The following PPM1H variants were observed in gnomAD, a reference collection of about 807,000 sequenced individuals.
PPM1H encodes protein phosphatase, Mg2+/Mn2+ dependent 1H, also known as protein phosphatase 1H.
Under a neutral mutation model 54.9 loss-of-function variants are expected in PPM1H, and 27 were observed. The ratio of observed to expected loss-of-function variants is 0.49; its 90% CI spans 0.36 to 0.68. The LOEUF is 0.68. Ranked by LOEUF, PPM1H falls within the 30% of genes least tolerant of loss-of-function variation. The pLI, the probability that PPM1H is intolerant of heterozygous loss-of-function variation, is 0.00. For missense variants in PPM1H, 596 were observed against 667.8 expected (o/e 0.89, Z 1.19); for synonymous variants, 305 against 270.8 (o/e 1.13, Z -1.24).
chr12:62,880,804 T>A (rs1870365128), intron 1 of PPM1H, among the ~76,000 whole-genome samples: 1 of 152,164 alleles, frequency 6.6e-6, no homozygotes, highest in South Asian at 2.1e-4. Flanking sequence ...AACATTCCCT[T>A]CTCCAGGTGC....
At chr12:62,869,873 AC>A (rs1395914940) in intron 1 of PPM1H, among the ~76,000 whole-genome samples, 5 of 151,990 alleles carry the variant, frequency 3.3e-5, no homozygotes, top group Admixed American at 6.6e-5. Flanking sequence ...AGTCACTCTT[AC>A]CCCCAACTCT....
At chr12:62,724,490 T>G (rs1381084707) in intron 5 of PPM1H, among the ~76,000 whole-genome samples, 1 of 152,288 alleles carries the variant, frequency 6.6e-6, no homozygotes, top group Admixed American at 6.5e-5. Context: ...TGTGGGTTAG[T>G]TGGGAACTCC....
At chr12:62,867,788 G>A (rs981944311) in intron 1 of PPM1H, among the ~76,000 whole-genome samples, 1 of 151,210 alleles carries the variant, frequency 6.6e-6, no homozygotes, top group Non-Finnish European at 1.5e-5. Flanking sequence ...GTTTCACCGT[G>A]TTAGCCAGGA....
At chr12:62,734,909 C>T (rs1016813576) in intron 5 of PPM1H, among the ~76,000 whole-genome samples, 4 of 152,016 alleles carry the variant, frequency 2.6e-5, no homozygotes, top group African/African-American at 4.8e-5. Context: ...TAGCCAGGCA[C>T]GGTGGTGCAC....
chr12:62,705,596 C>G (rs748059553), intron 6 of PPM1H, among the ~76,000 whole-genome samples: 4 of 152,146 alleles, frequency 2.6e-5, no homozygotes, highest in Non-Finnish European at 4.4e-5. Context: ...ATGAATGACT[C>G]TTAAGGAAAT....
In PPM1H at chr12:62,806,177, CT is replaced by C. The variant is rs777077759; in HGVS notation, c.412-4018del. Among the ~76,000 whole-genome samples, 1,393 of 143,194 alleles carry C rather than the reference CT, an allele frequency of 9.7e-3. 7 individuals are homozygous for C. Among genetic ancestry groups the C allele is most frequent in the African/African-American group, 0.011 (415 of 39,234 alleles). 93.9% of individuals were successfully genotyped at this position (143,194 alleles called of 152,430 possible). On this transcript the variant is annotated intron_variant, in intron 2 of 9. Transcript: ENST00000228705. ...ACCCTATGGCAATAAATACTGAAGG[CT>C]TTTTTTTTTTAATTGAAGCCATTAA... is the stretch of plus-strand genomic sequence containing the variant.
intron 4 of PPM1H, among the ~76,000 whole-genome samples, chr12:62,774,286 G>A (rs1393096342): frequency 6.6e-6 from 1 of 152,196 alleles, no homozygotes; most frequent in African/African-American, 2.4e-5. Context: ...CCAGCCCAGT[G>A]TTTTTTCCAT....
chr12:62,883,436 G>T (rs572360747), intron 1 of PPM1H, among the ~76,000 whole-genome samples: 1 of 152,266 alleles, frequency 6.6e-6, no homozygotes, highest in South Asian at 2.1e-4. Flanking sequence ...AGCTTCTCAT[G>T]AAGTAGATTC....
At chr12:62,714,078 A>G (rs1424108342) in intron 6 of PPM1H, among the ~76,000 whole-genome samples, 3 of 152,176 alleles carry the variant, frequency 2.0e-5, no homozygotes, top group Non-Finnish European at 4.4e-5. Flanking sequence ...ACGCTCTTCT[A>G]CTATGTAGAC....
intron 3 of PPM1H, among the ~76,000 whole-genome samples, chr12:62,795,509 C>T (rs576385487): frequency 1.3e-5 from 2 of 151,564 alleles, no homozygotes; most frequent in Non-Finnish European, 2.9e-5. Context: ...TGCAGTGGTG[C>T]GATCTCTGCT....
chr12:62,790,264 G>C (rs774708659), intron 3 of PPM1H, among the ~76,000 whole-genome samples: 8 of 152,192 alleles, frequency 5.3e-5, no homozygotes, highest in Non-Finnish European at 1.0e-4. Context: ...CTTGAGCTTA[G>C]GGATATCATA....
At chr12:62,728,403 T>A (rs11174621) in intron 5 of PPM1H, among the ~76,000 whole-genome samples, 17,292 of 152,174 alleles carry the variant, frequency 0.11, 1,021 homozygotes, top group East Asian at 0.2. Context: ...GAATTGGATG[T>A]CTTTCTATGG....
Position 62,927,535 on chromosome 12 carries a change from G to A in PPM1H, c.245+6957C>T, listed in dbSNP as rs567238877. Among the ~76,000 whole-genome samples the A allele has an allele frequency of 1.6e-4, 24 of 151,854 alleles. No homozygotes were observed. The South Asian group carries it at 2.5e-3, about 16-fold the overall frequency. ...AAATTACCTGGGTGTGGTGGTGGGC[G>A]CCTGTAATCCCAGCTTCTCAGGAGG... On this transcript the variant is annotated intron_variant, in intron 1 of 9. Coordinates refer to ENST00000228705, the MANE Select transcript of PPM1H (RefSeq NM_020700.2).
chr12:62,687,838 G>A (rs2076062076), intron 8 of PPM1H, among the ~76,000 whole-genome samples: 1 of 151,808 alleles, frequency 6.6e-6, no homozygotes, highest in South Asian at 2.1e-4. Flanking sequence ...GTGAAACCCT[G>A]TCTCCACTAA....
At chr12:62,855,681 T>C (rs1459802084) in intron 1 of PPM1H, among the ~76,000 whole-genome samples, 6 of 152,200 alleles carry the variant, frequency 3.9e-5, no homozygotes, top group African/African-American at 9.7e-5. Flanking sequence ...AAAGCACCCA[T>C]GTTATTCCAG....
At chr12:62,687,135 A>G (rs180889871) in intron 8 of PPM1H, among the ~76,000 whole-genome samples, 3 of 152,322 alleles carry the variant, frequency 2.0e-5, no homozygotes, top group Admixed American at 1.3e-4. Flanking sequence ...CAGTGGCAGA[A>G]CTCCATGTGA....
At chr12:62,900,564 G>A (rs1184062608) in intron 1 of PPM1H, among the ~76,000 whole-genome samples, 1 of 140,204 alleles carries the variant, frequency 7.1e-6, no homozygotes, top group East Asian at 2.1e-4. Flanking sequence ...AAAGAAAGAA[G>A]GGAAGAAGAA....
intron 1 of PPM1H, among the ~76,000 whole-genome samples, chr12:62,917,398 GGTCA>G (rs541945724): frequency 6.2e-4 from 94 of 152,208 alleles, no homozygotes; most frequent in African/African-American, 2.1e-3. Flanking sequence ...TTCCTGGAAG[GGTCA>G]GTAAGAGCTT....
intron 1 of PPM1H, among the ~76,000 whole-genome samples, chr12:62,914,547 G>C (rs546222553): frequency 6.6e-6 from 1 of 152,278 alleles, no homozygotes; most frequent in Non-Finnish European, 1.5e-5. Context: ...TGTGGGAGAG[G>C]GAAGGTGATG....
Sources: gnomAD v4.1 joint callset for allele counts (sites outside exome capture counted in the v4.1 genomes callset) on GRCh38, gnomAD v4.1.1 for gene constraint, MANE v1.5 for transcripts, NCBI Gene and HGNC (gene_info 2026-07-23, HGNC 2026-07-21) for gene names.